Variants in UTS2R observed in about 807,000 individuals in gnomAD.
UTS2R encodes urotensin 2 receptor.
For synonymous variants in UTS2R, 335 were observed against 280.9 expected (o/e 1.19, Z -1.93); for missense variants, 653 against 562.2 (o/e 1.16, Z -1.63).
At chr17:82,372,985 C>T (rs1056496376) in intron 2 of UTS2R, among the ~76,000 whole-genome samples, 16 of 152,198 alleles carry the variant, frequency 1.1e-4, no homozygotes, top group African/African-American at 3.9e-4. Flanking sequence ...CACGCAGGGG[C>T]TCCTGTGGCC....
rs1323615757 is a variant in UTS2R, at chr17:82,375,451, C to T, written c.1127C>T (p.Ala376Val). 1.3e-6 allele frequency: 2 copies of T among 1,537,302 alleles called. No individual in the cohort carries two copies. Among genetic ancestry groups the T allele is most frequent in the Non-Finnish European group, 1.7e-6 (2 of 1,148,870 alleles). The change falls in exon 3 of 3, where the codon GCC becomes GTC. Residue 376 changes from alanine (A) to valine (V), a missense_variant. Ala to Val is a moderately conservative substitution (Grantham distance 64). Coordinates refer to ENST00000313135, the MANE Select transcript of UTS2R (RefSeq NM_018949.3). ...GACAGCCTCGTGCTGGCCCCAGCGGCCCCGGCCCGACCTGCGCCCGAGGGT... is the reference window on the plus strand; with the variant it reads ...GACAGCCTCGTGCTGGCCCCAGCGGTCCCGGCCCGACCTGCGCCCGAGGGT... The part of the protein sequence containing the change: ...PTDSLVLAPA[A>V]PARPAPEGPR...
At position 82,375,749 on chromosome 17, in the gene UTS2R, G is replaced by A. The variant is rs1459609416; in HGVS notation, c.*255G>A. ...GGCTTCGTCACAGAGGGCAGCAGGC[G>A]CCAGTGCCCGGCCCGTGTGGAGACC... On this transcript the variant is annotated 3_prime_UTR_variant, in exon 3 of 3. Coordinates refer to ENST00000313135, the MANE Select transcript of UTS2R (RefSeq NM_018949.3). Among the ~76,000 whole-genome samples the A allele has an allele frequency of 1.3e-5, 2 of 152,290 alleles. No homozygotes were observed. The highest frequency in any genetic ancestry group is 1.9e-4 in the East Asian group (1 of 5,186).
chr17:82,375,005 C>T lies in UTS2R; in HGVS notation c.681C>T (p.Ile227=). 1 of 1,318,628 alleles carries T rather than the reference C, an allele frequency of 7.6e-7. No homozygotes were observed. Among genetic ancestry groups the T allele is most frequent in the African/African-American group, 1.5e-5 (1 of 65,424 alleles). The allele number at this position is 1,318,628 out of a possible 1,614,324, so 81.7% of individuals were successfully genotyped here. Residue 227 remains isoleucine (I), a synonymous_variant, in exon 3 of 3, where the codon ATC becomes ATT. Coordinates refer to ENST00000313135, the MANE Select transcript of UTS2R (RefSeq NM_018949.3). ...ATSIAGPGLL[I]GLLYARLARA... is the part of the protein sequence containing the mutation. ...GCATCGCGGGGCCCGGGCTGCTCATCGGGCTGCTCTACGCGCGCCTGGCCC... is the reference window on the plus strand; with the variant it reads ...GCATCGCGGGGCCCGGGCTGCTCATTGGGCTGCTCTACGCGCGCCTGGCCC...
In UTS2R at chr17:82,375,794, C is replaced by T. The variant is rs541926626; in HGVS notation, c.*300C>T. On this transcript the variant is annotated 3_prime_UTR_variant, in exon 3 of 3. Transcript: ENST00000313135. Reference sequence around the variant, plus strand: ...GAGACCATGGCGCGGCTGCCGCCCCCGGGACCCTCCTCCTCTCAGCCAGCG... The same window carrying T: ...GAGACCATGGCGCGGCTGCCGCCCCTGGGACCCTCCTCCTCTCAGCCAGCG... 1.3e-5 allele frequency among the ~76,000 whole-genome samples: 2 copies of T among 152,356 alleles called. No homozygotes were observed. Among genetic ancestry groups the T allele is most frequent in the African/African-American group, 2.4e-5 (1 of 41,576 alleles).
At position 82,375,772 on chromosome 17, in the gene UTS2R, A is replaced by G. The variant is rs1193355067; in HGVS notation, c.*278A>G. 6.6e-6 allele frequency among the ~76,000 whole-genome samples: 1 copy of G among 151,672 alleles called. No individual in the cohort carries two copies. Among genetic ancestry groups the G allele is most frequent in the Non-Finnish European group, 1.5e-5 (1 of 67,886 alleles). On this transcript the variant is annotated 3_prime_UTR_variant, in exon 3 of 3. Coordinates refer to ENST00000313135, the MANE Select transcript of UTS2R (RefSeq NM_018949.3). Reference sequence around the variant, plus strand: ...GCGCCAGTGCCCGGCCCGTGTGGAGACCATGGCGCGGCTGCCGCCCCCGGG... The same window carrying G: ...GCGCCAGTGCCCGGCCCGTGTGGAGGCCATGGCGCGGCTGCCGCCCCCGGG...
Position 82,376,840 on chromosome 17 carries a change from T to TG in UTS2R, c.*1353dup, listed in dbSNP as rs924815544. 1.4e-4 allele frequency among the ~76,000 whole-genome samples: 21 copies of TG among 151,814 alleles called. No individual in the cohort carries two copies. The highest frequency in any genetic ancestry group is 2.5e-4 in the Non-Finnish European group (17 of 67,906). Reference sequence around the variant, plus strand: ...TCAGCCGCCCCGTCTGGGAGGGAGGTGGGGGGGTCAGCCCCCCGCCCGGCC... The same window carrying TG: ...TCAGCCGCCCCGTCTGGGAGGGAGGTGGGGGGGGTCAGCCCCCCGCCCGGCC... On this transcript the variant is annotated 3_prime_UTR_variant, in exon 3 of 3. Coordinates refer to ENST00000313135, the MANE Select transcript of UTS2R (RefSeq NM_018949.3).
At chr17:82,372,380 G>C (rs115383941) in intron 1 of UTS2R, among the ~76,000 whole-genome samples, 2,216 of 152,328 alleles carry the variant, frequency 0.015, 60 homozygotes, top group African/African-American at 0.04. Flanking sequence ...GGCAGCAAGG[G>C]GGTGAGGGTC....
rs2052469339 is a variant in UTS2R, at chr17:82,374,238, C to T, written c.-82-5C>T. ...GTGTTGCCTGATTTGCTTCTTTCCC[C>T]ACAGGCTGAGCTGGTTGCCCACAGG... On this transcript the variant is annotated splice_polypyrimidine_tract_variant and splice_region_variant and intron_variant, in intron 2 of 2. Coordinates refer to ENST00000313135, the MANE Select transcript of UTS2R (RefSeq NM_018949.3). 8 of 1,097,962 alleles carry T rather than the reference C, an allele frequency of 7.3e-6. No homozygotes were observed. The highest frequency in any genetic ancestry group is 2.4e-4 in the Middle Eastern group (1 of 4,164). 68.0% of individuals were successfully genotyped at this position (1,097,962 alleles called of 1,614,324 possible).
rs960281357 is a variant in UTS2R at position 82,377,336 on chromosome 17, G to T, written c.*1842G>T. Among the ~76,000 whole-genome samples the T allele has an allele frequency of 6.6e-6, 1 of 151,742 alleles. No individual in the cohort carries two copies. ...AGGGACACAAACACTGCGGAAGGCC[G>T]CAGGGTCCTCTGCCTAGGAAAACCA... On this transcript the variant is annotated 3_prime_UTR_variant, in exon 3 of 3. Transcript: ENST00000313135.
Position 82,375,291 on chromosome 17 carries a change from C to A in UTS2R, c.967C>A (p.Arg323Ser), listed in dbSNP as rs1255889140. Reference protein sequence around the residue: ...FLYTLLTRNYRDHLRGRVRGP... With the variant: ...FLYTLLTRNYSDHLRGRVRGP... ...CTACACGCTGCTCACCAGGAACTAC[C>A]GCGACCACCTGCGCGGCCGCGTGCG... The change falls in exon 3 of 3, where the codon CGC (arginine) becomes AGC (serine). Residue 323 changes from arginine (R) to serine (S), a missense_variant. Arg to Ser is a moderately radical substitution (Grantham distance 110, BLOSUM62 -1). Coordinates refer to ENST00000313135, the MANE Select transcript of UTS2R (RefSeq NM_018949.3). 4 of 1,556,762 alleles carry A rather than the reference C, an allele frequency of 2.6e-6. No homozygotes were observed. Among genetic ancestry groups the A allele is most frequent in the Non-Finnish European group, 3.5e-6 (4 of 1,152,386 alleles).
chr17:82,377,062 T>C lies in UTS2R; in HGVS notation c.*1568T>C, dbSNP rs1174577801. On this transcript the variant is annotated 3_prime_UTR_variant, in exon 3 of 3. Transcript: ENST00000313135. Reference sequence around the variant, plus strand: ...GGAAAAGATTGAGAAATCGGATGGTTGCCGTGTCTGTGTAGAAAGAAGTAG... The same window carrying C: ...GGAAAAGATTGAGAAATCGGATGGTCGCCGTGTCTGTGTAGAAAGAAGTAG... Among the ~76,000 whole-genome samples, 2 of 152,228 alleles carry C rather than the reference T, an allele frequency of 1.3e-5. No individual in the cohort carries two copies. Among genetic ancestry groups the C allele is most frequent in the Non-Finnish European group, 2.9e-5 (2 of 68,044 alleles).
At chr17:82,374,179 C>G (rs189034354) in intron 2 of UTS2R, 64 bp from the exon 3 acceptor site, 59 of 656,576 alleles carry the variant, frequency 9.0e-5, no homozygotes, top group African/African-American at 6.2e-4. Context: ...TCTGTGGGAA[C>G]GAGGCCATCA....
At position 82,376,570 on chromosome 17, in the gene UTS2R, G is replaced by A. The variant is rs1440898211; in HGVS notation, c.*1076G>A. 6.6e-6 allele frequency among the ~76,000 whole-genome samples: 1 copy of A among 152,214 alleles called. No individual in the cohort carries two copies. The highest frequency in any genetic ancestry group is 1.5e-5 in the Non-Finnish European group (1 of 68,038). ...AGCTCTGCTGGCAGGACTGTGGCCG[G>A]CGTCAGGAATAAGCATGCAGCGCTC... is the stretch of plus-strand genomic sequence containing the variant. On this transcript the variant is annotated 3_prime_UTR_variant, in exon 3 of 3. Coordinates refer to ENST00000313135, the MANE Select transcript of UTS2R (RefSeq NM_018949.3).
At position 82,375,299 on chromosome 17, in the gene UTS2R, C is replaced by T. The variant is rs1221945796; in HGVS notation, c.975C>T (p.His325=). 6.4e-5 allele frequency: 99 copies of T among 1,551,004 alleles called. No individual in the cohort carries two copies. Among genetic ancestry groups the T allele is most frequent in the Non-Finnish European group, 8.3e-5 (95 of 1,148,950 alleles). ...TGCTCACCAGGAACTACCGCGACCACCTGCGCGGCCGCGTGCGGGGCCCGG... is the reference window on the plus strand; with the variant it reads ...TGCTCACCAGGAACTACCGCGACCATCTGCGCGGCCGCGTGCGGGGCCCGG... ...YTLLTRNYRD[H]LRGRVRGPGS... is the part of the protein sequence containing the mutation. The change falls in exon 3 of 3, where the codon CAC becomes CAT. Residue 325 remains histidine (H), a synonymous_variant. Transcript: ENST00000313135.
intron 1 of UTS2R, among the ~76,000 whole-genome samples, 37 bp from the exon 2 acceptor site, chr17:82,372,561 G>C (rs1480810842): frequency 1.3e-5 from 2 of 152,138 alleles, no homozygotes; most frequent in African/African-American, 4.8e-5. Context: ...AGCGTGGCTC[G>C]TGGAATCAGG....
Position 82,375,441 on chromosome 17 carries a change from GC to G in UTS2R, c.1121del (p.Pro374GlnfsTer78). On this transcript the variant is annotated frameshift_variant, in exon 3 of 3. Coordinates refer to ENST00000313135, the MANE Select transcript of UTS2R (RefSeq NM_018949.3). LOFTEE classifies it low-confidence loss of function (END_TRUNC). ...ACAGCCCACTGACAGCCTCGTGCTG[GC>G]CCCAGCGGCCCCGGCCCGACCTGCG... ...SPQPTDSLVL[A>X]PAAPARPAPE... 6.4e-7 allele frequency: 1 copy of G among 1,552,582 alleles called. No homozygotes were observed.
rs1007877770 is a variant in UTS2R at position 82,374,927 on chromosome 17, C to A, written c.603C>A (p.Pro201=). The A allele has an allele frequency of 9.0e-7, 1 of 1,108,414 alleles. No homozygotes were observed. Among genetic ancestry groups the A allele is most frequent in the Non-Finnish European group, 1.3e-6 (1 of 766,806 alleles). The allele number at this position is 1,108,414 out of a possible 1,614,324, so 68.7% of individuals were successfully genotyped here. A position where few individuals can be genotyped will look rare whatever the true frequency, so the allele number is the denominator to read the frequency against. The change falls in exon 3 of 3, where the codon CCC becomes CCA. Residue 201 remains proline, a synonymous_variant. Coordinates refer to ENST00000313135, the MANE Select transcript of UTS2R (RefSeq NM_018949.3). ...GGGGTCCCAAGAGCCTGTGCCTGCCCGCCTGGGGCCCGCGCGCCCACCGCG... is the reference window on the plus strand; with the variant it reads ...GGGGTCCCAAGAGCCTGTGCCTGCCAGCCTGGGGCCCGCGCGCCCACCGCG... ...VRRGPKSLCL[P]AWGPRAHRAY... is the part of the protein sequence containing the mutation.
At chr17:82,372,959 C>T (rs542281134) in intron 2 of UTS2R, among the ~76,000 whole-genome samples, 176 bp downstream of exon 2, 6 of 152,314 alleles carry the variant, frequency 3.9e-5, no homozygotes, top group African/African-American at 1.4e-4. Flanking sequence ...CCTTTTCACG[C>T]GTTCATCCTT....
rs200321155 is a variant in UTS2R, at chr17:82,374,498, G to A, written c.174G>A (p.Leu58=). 3.1e-5 allele frequency: 49 copies of A among 1,588,618 alleles called. No individual in the cohort carries two copies. The highest frequency in any genetic ancestry group is 1.6e-4 in the Middle Eastern group (1 of 6,066). The change falls in exon 3 of 3, where the codon CTG becomes CTA. Residue 58 remains leucine, a synonymous_variant. Transcript: ENST00000313135. ...CCACGGGCACCATTGGGACTCTGCT[G>A]TCGGCCATGGGCGTGGTGGGCGTGG... ...LVATGTIGTL[L]SAMGVVGVVG... is the part of the protein sequence containing the mutation.
Sources: allele counts gnomAD v4.1 joint callset (sites outside exome capture counted in the v4.1 genomes callset), GRCh38; gene constraint gnomAD v4.1.1; transcripts MANE v1.5; gene names NCBI Gene and HGNC (gene_info 2026-07-23, HGNC 2026-07-21).